Variants in GLMP observed in about 807,000 individuals in gnomAD.
The protein encoded by GLMP is kidney lysosomal membrane protein.
A neutral mutation model predicts 39.2 loss-of-function variants in GLMP; 36 were observed. The observed-to-expected ratio is 0.92, with a 90% confidence interval of 0.70 to 1.21. The LOEUF is 1.21. GLMP is among the 50% of genes most tolerant of loss of function. The pLI, the probability that GLMP is intolerant of heterozygous loss-of-function variation, is 0.00. For missense variants in GLMP, 454 were observed against 505.6 expected (o/e 0.90, Z 0.98); for synonymous variants, 220 against 218.9 (o/e 1.01, Z -0.04).
rs1403678197 is a variant in GLMP, at chr1:156,295,634, A to G, written c.12T>C (p.Ser4=). 6 of 1,553,420 alleles carry G rather than the reference A, an allele frequency of 3.9e-6. No individual in the cohort carries two copies. In the Admixed American group the frequency reaches 9.7e-5, roughly 25 times the overall value. MRG[S]VECTWGWGHC... ...GCCCCCAACCCCAGGTGCACTCCACAGAGCCGCGCATACGGCCGCAATTCA... is the reference window on the plus strand; with the variant it reads ...GCCCCCAACCCCAGGTGCACTCCACGGAGCCGCGCATACGGCCGCAATTCA... The change falls in exon 1 of 6, where the codon TCT becomes TCC. Residue 4 remains serine (S), a synonymous_variant. Coordinates refer to ENST00000362007, the MANE Select transcript of GLMP (RefSeq NM_144580.3).
Position 156,294,901 on chromosome 1 carries a change from G to T in GLMP, c.236C>A (p.Ala79Glu), listed in dbSNP as rs1274091892. The change falls in exon 2 of 6, where the codon GCA becomes GAA. Residue 79 changes from alanine to glutamate, a missense_variant. Physicochemically the swap from Ala to Glu is moderately radical, Grantham distance 107 (BLOSUM62 -1). Coordinates refer to ENST00000362007, the MANE Select transcript of GLMP (RefSeq NM_144580.3). ...GGTGTTGGTGGCCACCATTACCACT[G>T]CCAGAGGCCCCAGGCTGCTCCACAC... ...HYVWSSLGPL[A>E]VVMVATNTPH... The T allele has an allele frequency of 1.2e-6, 2 of 1,612,826 alleles. No individual in the cohort carries two copies. The highest frequency in any genetic ancestry group is 2.7e-5 in the African/African-American group (2 of 74,712).
chr1:156,294,286 C>T (rs771560903), intron 3 of GLMP, 50 bp from the exon 4 acceptor site: 6 of 1,602,966 alleles, frequency 3.7e-6, no homozygotes, highest in Non-Finnish European at 5.1e-6. Flanking sequence ...GATGCCTGTG[C>T]TTAAGGGCCA....
In GLMP at chr1:156,293,030, C is replaced by T; in HGVS notation, c.*14G>A. ...GACAGGTTCAGTAATGTCCTTCCCT[C>T]CAGAGAGCGGGCCTTAATTTATGGA... is the stretch of plus-strand genomic sequence containing the variant. On this transcript the variant is annotated 3_prime_UTR_variant, in exon 6 of 6. Coordinates refer to ENST00000362007, the MANE Select transcript of GLMP (RefSeq NM_144580.3). 1.9e-6 allele frequency: 3 copies of T among 1,613,670 alleles called. No individual in the cohort carries two copies. Among genetic ancestry groups the T allele is most frequent in the Non-Finnish European group, 2.5e-6 (3 of 1,179,774 alleles).
rs551488125 is a variant in GLMP at position 156,293,037 on chromosome 1, G to C, written c.*7C>G. 3.1e-6 allele frequency: 5 copies of C among 1,614,020 alleles called. No homozygotes were observed. The South Asian group carries it at 3.3e-5, about 11-fold the overall frequency. Reference sequence around the variant, plus strand: ...TCAGTAATGTCCTTCCCTCCAGAGAGCGGGCCTTAATTTATGGACTGGTAC... The same window carrying C: ...TCAGTAATGTCCTTCCCTCCAGAGACCGGGCCTTAATTTATGGACTGGTAC... On this transcript the variant is annotated 3_prime_UTR_variant, in exon 6 of 6. Transcript: ENST00000362007.
At chr1:156,294,293 G>T (rs886177505) in intron 3 of GLMP, 57 bp from the exon 4 acceptor site, 1 of 1,600,564 alleles carries the variant, frequency 6.2e-7, no homozygotes, top group Non-Finnish European at 8.6e-7. Context: ...GTGCTTAAGG[G>T]CCACCTCCAT....
intron 4 of GLMP, 80 bp from the exon 5 acceptor site, chr1:156,293,656 A>AGGAG (rs1449748162): frequency 6.3e-7 from 1 of 1,587,486 alleles, no homozygotes; most frequent in Admixed American, 1.8e-5. Flanking sequence ...TCCCAGCCTT[A>AGGAG]TTCTGTGACT....
chr1:156,292,933 A>G lies in GLMP; in HGVS notation c.*111T>C, dbSNP rs981726948. 2 of 1,413,894 alleles carry G rather than the reference A, an allele frequency of 1.4e-6. No individual in the cohort carries two copies. The highest frequency in any genetic ancestry group is 1.9e-6 in the Non-Finnish European group (2 of 1,043,262). The allele number at this position is 1,413,894 out of a possible 1,614,324, so 87.6% of individuals were successfully genotyped here. On this transcript the variant is annotated 3_prime_UTR_variant, in exon 6 of 6. Transcript: ENST00000362007. ...GGCTGGCCTCTGAGGTTCCACAGAA[A>G]AGCAAGATGGGGGAGTGAAGGGGCC...
In GLMP at chr1:156,294,872, G is replaced by T. The variant is rs773325192; in HGVS notation, c.265C>A (p.His89Asn). ...AVVMVATNTP[H>N]STLSVNWSLL... is the part of the protein sequence containing the mutation. ...CTCCAGTTGACGCTCAGGGTGCTGT[G>T]GGGGGTGTTGGTGGCCACCATTACC... Residue 89 changes from histidine (H) to asparagine (N), a missense_variant, in exon 2 of 6, where the codon CAC (histidine) becomes AAC (asparagine). Transcript: ENST00000362007. 1.9e-6 allele frequency: 3 copies of T among 1,611,878 alleles called. No individual in the cohort carries two copies. The highest frequency in any genetic ancestry group is 1.1e-5 in the South Asian group (1 of 90,852).
chr1:156,293,655 T>C (rs746791555), intron 4 of GLMP, 79 bp from the exon 5 acceptor site: 2 of 1,588,138 alleles, frequency 1.3e-6, no homozygotes, highest in South Asian at 2.3e-5. Context: ...CTCCCAGCCT[T>C]ATTCTGTGAC....
intron 4 of GLMP, 154 bp from the exon 5 acceptor site, chr1:156,293,730 G>C: frequency 6.5e-7 from 1 of 1,548,072 alleles, no homozygotes; most frequent in South Asian, 1.2e-5. Context: ...TGGGGAGTTC[G>C]ACTGGGTGAG....
chr1:156,295,639 C>T lies in GLMP; in HGVS notation c.7G>A (p.Gly3Ser), dbSNP rs528201434. Residue 3 changes from glycine (G) to serine (S), a missense_variant, in exon 1 of 6, where the codon GGC becomes AGC. Physicochemically the swap from Gly to Ser is moderately conservative, Grantham distance 56 (BLOSUM62 0). Transcript: ENST00000362007. ...CAACCCCAGGTGCACTCCACAGAGC[C>T]GCGCATACGGCCGCAATTCAGCCGA... MRGSVECTWGWGH... is the reference protein window; with the variant it reads MRSSVECTWGWGH... 2.6e-5 allele frequency: 40 copies of T among 1,553,024 alleles called. No individual in the cohort carries two copies. In the Admixed American group the frequency reaches 4.1e-4, roughly 16 times the overall value.
In GLMP at chr1:156,292,898, A is replaced by T; in HGVS notation, c.*146T>A. On this transcript the variant is annotated 3_prime_UTR_variant, in exon 6 of 6. Transcript: ENST00000362007. ...AAGGAAGCCCCACCTGGGGGTCTCC[A>T]GGAAGTCGAGGCTGGCCTCTGAGGT... is the stretch of plus-strand genomic sequence containing the variant. 1 of 1,094,340 alleles carries T rather than the reference A, an allele frequency of 9.1e-7. No individual in the cohort carries two copies. The highest frequency in any genetic ancestry group is 1.3e-6 in the Non-Finnish European group (1 of 766,958). 67.8% of individuals were successfully genotyped at this position (1,094,340 alleles called of 1,614,324 possible).
intron 4 of GLMP, chr1:156,293,809 A>G: frequency 1.5e-6 from 2 of 1,298,882 alleles, no homozygotes; most frequent in Non-Finnish European, 2.2e-6. Flanking sequence ...CCCCTTGCAG[A>G]TCTCCATCTG....
chr1:156,295,404 G>A, intron 1 of GLMP, 122 bp downstream of exon 1: 6 of 1,413,482 alleles, frequency 4.2e-6, no homozygotes, highest in Non-Finnish European at 5.5e-6. Flanking sequence ...ACACCCTCCA[G>A]GTTGAAGAAC....
In GLMP at chr1:156,292,949, T is replaced by C; in HGVS notation, c.*95A>G. Reference sequence around the variant, plus strand: ...TCCACAGAAAAGCAAGATGGGGGAGTGAAGGGGCCGGCTGGAACTTGATGC... The same window carrying C: ...TCCACAGAAAAGCAAGATGGGGGAGCGAAGGGGCCGGCTGGAACTTGATGC... On this transcript the variant is annotated 3_prime_UTR_variant, in exon 6 of 6. Transcript: ENST00000362007. 6.9e-7 allele frequency: 1 copy of C among 1,458,780 alleles called. No individual in the cohort carries two copies. Among genetic ancestry groups the C allele is most frequent in the South Asian group, 1.4e-5 (1 of 71,306 alleles). 90.4% of individuals were successfully genotyped at this position (1,458,780 alleles called of 1,614,324 possible). A position where few individuals can be genotyped will look rare whatever the true frequency, so the allele number is the denominator to read the frequency against.
chr1:156,293,944 T>C, intron 4 of GLMP, 74 bp downstream of exon 4: 1 of 1,528,104 alleles, frequency 6.5e-7, no homozygotes, highest in Admixed American at 1.7e-5. Flanking sequence ...TGGCAAATGG[T>C]TGAATGAGTT....
intron 4 of GLMP, chr1:156,293,780 C>T: frequency 1.4e-6 from 2 of 1,462,426 alleles, no homozygotes; most frequent in Non-Finnish European, 1.9e-6. Flanking sequence ...TGGACTCAGC[C>T]CTCCTCTTGG....
chr1:156,292,941 TGGG>T lies in GLMP; in HGVS notation c.*100_*102del. The T allele has an allele frequency of 7.0e-7, 1 of 1,429,446 alleles. No homozygotes were observed. The highest frequency in any genetic ancestry group is 9.5e-7 in the Non-Finnish European group (1 of 1,054,582). The allele number at this position is 1,429,446 out of a possible 1,614,324, so 88.5% of individuals were successfully genotyped here. ...TCTGAGGTTCCACAGAAAAGCAAGA[TGGG>T]GGAGTGAAGGGGCCGGCTGGAACTT... is the stretch of plus-strand genomic sequence containing the variant. On this transcript the variant is annotated 3_prime_UTR_variant, in exon 6 of 6. Coordinates refer to ENST00000362007, the MANE Select transcript of GLMP (RefSeq NM_144580.3).
Position 156,293,055 on chromosome 1 carries a change from A to T in GLMP, c.1210T>A (p.Ser404Thr). The T allele has an allele frequency of 2.5e-6, 4 of 1,613,982 alleles. No individual in the cohort carries two copies. Among genetic ancestry groups the T allele is most frequent in the Non-Finnish European group, 3.4e-6 (4 of 1,179,996 alleles). The change falls in exon 6 of 6, where the codon TCC becomes ACC. Residue 404 changes from serine to threonine, a missense_variant. Ser to Thr is a moderately conservative substitution (Grantham distance 58). Coordinates refer to ENST00000362007, the MANE Select transcript of GLMP (RefSeq NM_144580.3). ...LHHKKYSEYQ[S>T]IN The stretch of plus-strand genomic sequence containing the variant: ...CCAGAGAGCGGGCCTTAATTTATGG[A>T]CTGGTACTCTGAGTACTTCTTGTGG...
Sources: allele counts gnomAD v4.1 joint callset, GRCh38; gene constraint gnomAD v4.1.1; transcripts MANE v1.5; gene names NCBI Gene and HGNC (gene_info 2026-07-23, HGNC 2026-07-21).